Variants in KCNN2 observed in about 807,000 individuals in gnomAD.
KCNN2 encodes the protein potassium calcium-activated channel subfamily N member 2.
A neutral mutation model predicts 55.5 loss-of-function variants in KCNN2; 24 were observed. The observed-to-expected ratio is 0.43, with a 90% confidence interval of 0.31 to 0.61. KCNN2 has a LOEUF of 0.61. Ranked by LOEUF, KCNN2 falls within the 20% of genes least tolerant of loss-of-function variation. KCNN2 has a pLI of 0.08. For synonymous variants in KCNN2, 431 were observed against 336.1 expected, an observed-to-expected ratio of 1.28 and a Z score of -3.09; for missense variants, 754 against 853.6, an observed-to-expected ratio of 0.88 and a Z score of 1.45.
intron 1 of KCNN2, among the ~76,000 whole-genome samples, chr5:114,191,698 A>C (rs1753454286): frequency 6.6e-6 from 1 of 152,138 alleles, no homozygotes; most frequent in African/African-American, 2.4e-5. Flanking sequence ...CTAACTAAGA[A>C]TGGTAAGGGA....
intron 6 of KCNN2, among the ~76,000 whole-genome samples, chr5:114,488,436 T>C (rs1273213163): frequency 6.6e-6 from 1 of 151,674 alleles, no homozygotes; most frequent in Non-Finnish European, 1.5e-5. Flanking sequence ...AAGGTTAGAG[T>C]TTTCAAATAA....
At chr5:114,479,906 C>T (rs1762147979) in intron 5 of KCNN2, among the ~76,000 whole-genome samples, 1 of 152,106 alleles carries the variant, frequency 6.6e-6, no homozygotes, top group Non-Finnish European at 1.5e-5. Context: ...ATTTATAGCA[C>T]TAAATCCCCA....
rs150908343 is a variant in KCNN2 at position 114,068,591 on chromosome 5, G to T, written c.-271+12091G>T. On this transcript the variant is annotated intron_variant, in intron 1 of 10. Coordinates refer to the KCNN2 transcript ENST00000512097. ...AGAGTCCTCACACATAGCACTCACT[G>T]ATAAGGTGACTTCTGCACCTGCTCC... Among the ~76,000 whole-genome samples the T allele has an allele frequency of 1.7e-3, 252 of 152,272 alleles. 1 individual carries two copies. The highest frequency in any genetic ancestry group is 5.9e-3 in the African/African-American group (245 of 41,560).
chr5:114,408,556 C>T (rs1355291013), intron 3 of KCNN2, among the ~76,000 whole-genome samples: 2 of 151,970 alleles, frequency 1.3e-5, no homozygotes, highest in Admixed American at 1.3e-4. Flanking sequence ...GCAGATGTAC[C>T]TTATGATGGT....
At chr5:114,381,761 C>T (rs1397432578) in intron 2 of KCNN2, among the ~76,000 whole-genome samples, 1 of 152,198 alleles carries the variant, frequency 6.6e-6, no homozygotes, top group African/African-American at 2.4e-5. Flanking sequence ...TAAGCCTCCT[C>T]AAGTGGTTTT....
intron 1 of KCNN2, among the ~76,000 whole-genome samples, chr5:114,067,309 C>G (rs1342476520): frequency 2.6e-5 from 4 of 152,182 alleles, no homozygotes; most frequent in Non-Finnish European, 5.9e-5. Flanking sequence ...ATTGAAATCA[C>G]CTGGCAACCT....
intron 1 of KCNN2, among the ~76,000 whole-genome samples, chr5:114,091,454 A>G (rs1751142804): frequency 6.6e-6 from 1 of 152,200 alleles, no homozygotes; most frequent in Admixed American, 6.5e-5. Flanking sequence ...GATGAAATGA[A>G]GAGATAAAAA....
At chr5:114,490,913 ATCTGCATGTTACC>A (rs1341320556) in intron 6 of KCNN2, among the ~76,000 whole-genome samples, 2 of 152,102 alleles carry the variant, frequency 1.3e-5, no homozygotes, top group Non-Finnish European at 2.9e-5. Context: ...TGTAATACAC[ATCTGCATGTTACC>A]TTTTATTCTG....
Position 114,173,775 on chromosome 5 carries a change from T to G in KCNN2, c.-270-47705T>G, listed in dbSNP as rs572218175. Among the ~76,000 whole-genome samples, 69 of 152,044 alleles carry G rather than the reference T, an allele frequency of 4.5e-4. No individual in the cohort carries two copies. The Middle Eastern group carries it at 0.01, about 22-fold the overall frequency. On this transcript the variant is annotated intron_variant, in intron 1 of 10. Transcript: ENST00000512097. ...TGTAACATTTGATGTTATAGAATATTTTTACTATATTATTTTTATTTTTCA... is the reference window on the plus strand; with the variant it reads ...TGTAACATTTGATGTTATAGAATATGTTTACTATATTATTTTTATTTTTCA...
intron 2 of KCNN2, among the ~76,000 whole-genome samples, chr5:114,322,044 T>A (rs1756625097): frequency 6.6e-6 from 1 of 152,182 alleles, no homozygotes; most frequent in African/African-American, 2.4e-5. Flanking sequence ...AGCTTAGAAG[T>A]TTTCAATAAC....
chr5:114,334,799 A>G (rs1420592105), intron 2 of KCNN2, among the ~76,000 whole-genome samples: 1 of 152,164 alleles, frequency 6.6e-6, no homozygotes, highest in African/African-American at 2.4e-5. Flanking sequence ...CTACCTACCC[A>G]TTAAGAGACA....
chr5:114,194,787 G>A (rs72797673), intron 1 of KCNN2, among the ~76,000 whole-genome samples: 25,460 of 151,792 alleles, frequency 0.17, 2,268 homozygotes, highest in Middle Eastern at 0.21. Flanking sequence ...TTACTCCTGT[G>A]AGTCTTCTAA....
At chr5:114,446,905 C>A (rs375016412) in intron 3 of KCNN2, among the ~76,000 whole-genome samples, 243 of 152,264 alleles carry the variant, frequency 1.6e-3, no homozygotes, top group African/African-American at 5.8e-3. Flanking sequence ...CTGTCTCAGT[C>A]GATCAATCAA....
rs1330307763 is a variant in KCNN2, at chr5:114,449,906, ACACG to A, written c.1638-13141_1638-13138del. On this transcript the variant is annotated intron_variant, in intron 3 of 7. Transcript: ENST00000673685. ...CACACACACACACACACACACACAC[ACACG>A]CGCGCGCTCGCGTGCGCGCACTCTT... Among the ~76,000 whole-genome samples the A allele has an allele frequency of 1.2e-3, 34 of 29,272 alleles. No homozygotes were observed. The East Asian group carries it at 0.37, about 317-fold the overall frequency. The allele number at this position is 29,272 out of a possible 152,430, so 19.2% of individuals were successfully genotyped here.
chr5:114,255,259 G>A (rs1449912141), intron 2 of KCNN2, among the ~76,000 whole-genome samples: 22 of 152,140 alleles, frequency 1.4e-4, no homozygotes, highest in Admixed American at 1.4e-3. Context: ...TTGTAGTGTT[G>A]TAGTAGAGCT....
intron 2 of KCNN2, among the ~76,000 whole-genome samples, chr5:114,263,598 A>G (rs1427496587): frequency 6.6e-6 from 1 of 152,138 alleles, no homozygotes; most frequent in East Asian, 1.9e-4. Flanking sequence ...AGTATGATCT[A>G]AAAGTAAGCC....
chr5:114,448,729 C>A (rs1250150362), intron 3 of KCNN2, among the ~76,000 whole-genome samples: 1 of 152,206 alleles, frequency 6.6e-6, no homozygotes, highest in Non-Finnish European at 1.5e-5. Flanking sequence ...TCCCTAGAAA[C>A]ATAGCTTGAA....
rs142596524 is a variant in KCNN2, at chr5:114,351,041, A to G, written c.-184-9904A>G. Among the ~76,000 whole-genome samples the G allele has an allele frequency of 2.7e-3, 410 of 151,908 alleles. 2 individuals carry two copies. Among genetic ancestry groups the G allele is most frequent in the African/African-American group, 9.5e-3 (393 of 41,520 alleles). On this transcript the variant is annotated intron_variant, in intron 2 of 10. Transcript: ENST00000512097. ...TTTGATTGTATCTGTGGGTCAGTTT[A>G]GAGACTCTTGCCATTTTAACAATAT...
intron 1 of KCNN2, among the ~76,000 whole-genome samples, chr5:114,065,520 G>C (rs1160564638): frequency 6.6e-6 from 1 of 152,162 alleles, no homozygotes; most frequent in Non-Finnish European, 1.5e-5. Context: ...TTTTGATACT[G>C]CTTTTATAAG....
Sources: allele counts gnomAD v4.1 joint callset (sites outside exome capture counted in the v4.1 genomes callset), GRCh38; gene constraint gnomAD v4.1.1; transcripts MANE v1.5; gene names NCBI Gene and HGNC (gene_info 2026-07-23, HGNC 2026-07-21).